Variants in CALN1 observed in about 807,000 individuals in gnomAD.
CALN1 encodes calneuron 1, also known as calcium-binding protein 8.
A neutral mutation model predicts 30.6 loss-of-function variants in CALN1; 17 were observed. That is an observed-to-expected ratio of 0.56 (90% CI 0.38 to 0.83). The LOEUF is 0.83. Among genes scored for constraint, CALN1 ranks in the 40% least tolerant of loss-of-function variants. The pLI, the probability that CALN1 is intolerant of heterozygous loss-of-function variation, is 0.00. For missense variants in CALN1, 291 were observed against 354.9 expected (o/e 0.82, Z 1.45); for synonymous variants, 156 against 131.4 (o/e 1.19, Z -1.28).
chr7:72,223,412 C>G (rs1297974543), intron 3 of CALN1, among the ~76,000 whole-genome samples: 2 of 152,106 alleles, frequency 1.3e-5, no homozygotes, highest in Non-Finnish European at 2.9e-5. Context: ...CAGCTTCTAA[C>G]TAGTATGGAA....
In CALN1 at chr7:71,949,701, A is replaced by T. The variant is rs570908805; in HGVS notation, c.501+73956T>A. 1.6e-4 allele frequency among the ~76,000 whole-genome samples: 24 copies of T among 152,106 alleles called. No individual in the cohort carries two copies. The East Asian group carries it at 4.7e-3, about 30-fold the overall frequency. Reference sequence around the variant, plus strand: ...AGCCTTAGAGGGTATTTAAACCCCAAAAAATTCTGTAACAGGGCTCTCGAG... The same window carrying T: ...AGCCTTAGAGGGTATTTAAACCCCATAAAATTCTGTAACAGGGCTCTCGAG... On this transcript the variant is annotated intron_variant, in intron 5 of 6. Coordinates refer to ENST00000395275, the MANE Select transcript of CALN1 (RefSeq NM_031468.4).
At chr7:71,921,827 C>A (rs1584515054) in intron 5 of CALN1, among the ~76,000 whole-genome samples, 1 of 151,594 alleles carries the variant, frequency 6.6e-6, no homozygotes, top group East Asian at 1.9e-4. Flanking sequence ...TCTGCACCAT[C>A]CCCCCCGCCG....
chr7:71,927,371 G>T (rs1175820215), intron 5 of CALN1, among the ~76,000 whole-genome samples: 3 of 152,018 alleles, frequency 2.0e-5, no homozygotes. Context: ...CACCATGCCT[G>T]GCTAATTTTT....
chr7:71,836,552 G>A (rs1480088545), intron 5 of CALN1, among the ~76,000 whole-genome samples: 1 of 151,628 alleles, frequency 6.6e-6, no homozygotes, highest in Non-Finnish European at 1.5e-5. Flanking sequence ...GCACATTCAG[G>A]AACTGTTTCT....
chr7:72,457,930 AT>A, the CALN1 span, among the ~76,000 whole-genome samples: 4 of 150,508 alleles, frequency 2.7e-5, no homozygotes, highest in African/African-American at 9.8e-5. Context: ...TACTTTTTGT[AT>A]TTTTTGTAGA....
intron 4 of CALN1, among the ~76,000 whole-genome samples, chr7:72,060,253 A>T (rs1014013656): frequency 6.6e-6 from 1 of 152,100 alleles, no homozygotes; most frequent in Non-Finnish European, 1.5e-5. Flanking sequence ...TTTCCTTCTG[A>T]TCAGTGGAAC....
intron 5 of CALN1, among the ~76,000 whole-genome samples, chr7:71,884,953 C>G (rs1351782277): frequency 6.7e-6 from 1 of 148,304 alleles, no homozygotes; most frequent in East Asian, 2.4e-4. Context: ...CTAAGGGAAG[C>G]CACTGTAAGA....
chr7:72,138,727 C>T (rs1237094189), intron 3 of CALN1, among the ~76,000 whole-genome samples: 3 of 152,182 alleles, frequency 2.0e-5, no homozygotes, highest in African/African-American at 7.2e-5. Flanking sequence ...GACAATATGC[C>T]TGATAAAACA....
the CALN1 span, among the ~76,000 whole-genome samples, chr7:72,485,428 A>G: frequency 6.6e-6 from 1 of 152,220 alleles, no homozygotes; most frequent in Non-Finnish European, 1.5e-5. Context: ...GAATTTAGAA[A>G]GTTTTTGCTA....
intron 5 of CALN1, among the ~76,000 whole-genome samples, chr7:71,832,167 T>C (rs547655856): frequency 2.2e-4 from 34 of 152,114 alleles, no homozygotes; most frequent in Non-Finnish European, 3.4e-4. Flanking sequence ...TTAAAGAATG[T>C]CATGTAGGCT....
intron 4 of CALN1, among the ~76,000 whole-genome samples, chr7:72,041,799 A>G (rs905043770): frequency 1.2e-4 from 19 of 152,152 alleles, no homozygotes; most frequent in African/African-American, 4.1e-4. Flanking sequence ...AAAACAGTGA[A>G]TAAGTCTCAT....
At chr7:72,231,045 A>T (rs1794062771) in intron 3 of CALN1, among the ~76,000 whole-genome samples, 1 of 152,144 alleles carries the variant, frequency 6.6e-6, no homozygotes, top group Non-Finnish European at 1.5e-5. Flanking sequence ...GCCTAGCCAC[A>T]CTGTCTACAC....
chr7:71,960,242 A>G (rs904576045), intron 5 of CALN1, among the ~76,000 whole-genome samples: 1 of 152,150 alleles, frequency 6.6e-6, no homozygotes, highest in African/African-American at 2.4e-5. Context: ...CAGGTTTCTT[A>G]CATGTATATA....
intron 3 of CALN1, among the ~76,000 whole-genome samples, chr7:72,235,210 G>A (rs1466307711): frequency 6.6e-6 from 1 of 151,888 alleles, no homozygotes; most frequent in African/African-American, 2.4e-5. Flanking sequence ...GGAGTTGGAG[G>A]CCACAGTGAG....
At chr7:72,112,150 C>A (rs916521526) in intron 3 of CALN1, among the ~76,000 whole-genome samples, 4 of 152,098 alleles carry the variant, frequency 2.6e-5, no homozygotes, top group African/African-American at 9.7e-5. Context: ...CAATTCCAGG[C>A]AGGAACAACA....
intron 5 of CALN1, among the ~76,000 whole-genome samples, chr7:71,849,632 C>A (rs1790522899): frequency 6.6e-6 from 1 of 152,036 alleles, no homozygotes; most frequent in South Asian, 2.1e-4. Flanking sequence ...AAAAGGTCTT[C>A]TATATTATTA....
rs1177741546 is a variant in CALN1 at position 71,784,486 on chromosome 7, G to A, written c.*3289C>T. 1 of 242,952 alleles carries A rather than the reference G, an allele frequency of 4.1e-6. No homozygotes were observed. The highest frequency in any genetic ancestry group is 7.9e-6 in the Non-Finnish European group (1 of 127,216). The allele number at this position is 242,952 out of a possible 1,614,324, so 15.0% of individuals were successfully genotyped here. A position where few individuals can be genotyped will look rare whatever the true frequency, so the allele number is the denominator to read the frequency against. On this transcript the variant is annotated 3_prime_UTR_variant, in exon 7 of 7. Transcript: ENST00000395275. ...ACCCAAGCACATTCTGGAAGCCATTGCTAATAGTCCCGATGCTAGATTCTG... is the reference window on the plus strand; with the variant it reads ...ACCCAAGCACATTCTGGAAGCCATTACTAATAGTCCCGATGCTAGATTCTG...
intron 2 of CALN1, among the ~76,000 whole-genome samples, chr7:72,299,659 G>C (rs1412235535): frequency 1.4e-5 from 2 of 141,988 alleles, no homozygotes; most frequent in African/African-American, 5.1e-5. Flanking sequence ...AGTAACCAAA[G>C]AAATACAATT....
chr7:71,935,251 G>A (rs1184838386), intron 5 of CALN1, among the ~76,000 whole-genome samples: 1 of 152,206 alleles, frequency 6.6e-6, no homozygotes, highest in African/African-American at 2.4e-5. Flanking sequence ...GTGTGAATCT[G>A]GCAAAGGAGT....
Sources: allele counts gnomAD v4.1 joint callset (sites outside exome capture counted in the v4.1 genomes callset), GRCh38; gene constraint gnomAD v4.1.1; transcripts MANE v1.5; gene names NCBI Gene and HGNC (gene_info 2026-07-23, HGNC 2026-07-21).